The following CTDP1 variants were observed in gnomAD, a reference collection of about 807,000 sequenced individuals.
CTDP1 encodes the protein CTD phosphatase 1.
Under a neutral mutation model 91.8 loss-of-function variants are expected in CTDP1, and 47 were observed. That is an observed-to-expected ratio of 0.51 (90% CI 0.41 to 0.65). The LOEUF (loss-of-function observed/expected upper bound fraction) is 0.65, where lower values mean the gene tolerates loss of function less well. Ranked by LOEUF, CTDP1 falls within the 30% of genes least tolerant of loss-of-function variation. The probability of loss-of-function intolerance (pLI) is 0.00; values close to 1 mark genes in which losing one functional copy is unlikely to be tolerated. For synonymous variants in CTDP1, 656 were observed against 598.5 expected (o/e 1.10, Z -1.40); for missense variants, 1,272 against 1,373.7 (o/e 0.93, Z 1.17).
In CTDP1 at chr18:79,715,698, C is replaced by T. The variant is rs2086192900; in HGVS notation, c.2068+170C>T. 2.0e-5 allele frequency among the ~76,000 whole-genome samples: 3 copies of T among 152,236 alleles called. No individual in the cohort carries two copies. In the South Asian group the frequency reaches 6.2e-4, roughly 32 times the overall value. ...ACAGTGGGTGAAATTGGAGTTTGGG[C>T]ACGTTCATGCTTTCAGACCGCAGTC... On this transcript the variant is annotated intron_variant, in intron 8 of 12. Transcript: ENST00000613122.
intron 1 of CTDP1, among the ~76,000 whole-genome samples, chr18:79,690,661 C>T (rs2085601695): frequency 2.6e-5 from 4 of 152,184 alleles, no homozygotes; most frequent in African/African-American, 9.7e-5. Context: ...CCTGTCTGCA[C>T]GCGGGTTTCC....
chr18:79,755,356 G>T (rs532534049), downstream of CTDP1: 118 of 152,344 alleles, frequency 7.7e-4, no homozygotes, highest in African/African-American at 2.8e-3. Context: ...CGGTCAGGGA[G>T]TTCCTCCTGT....
At chr18:79,694,260 TACA>T (rs1568178102) in intron 1 of CTDP1, among the ~76,000 whole-genome samples, 239 of 139,908 alleles carry the variant, frequency 1.7e-3, no homozygotes, top group African/African-American at 5.0e-3. Context: ...GTGTGGGGGC[TACA>T]GGCACCTAGG....
At chr18:79,701,449 G>A (rs1427170860) in intron 4 of CTDP1, among the ~76,000 whole-genome samples, 3 of 151,828 alleles carry the variant, frequency 2.0e-5, no homozygotes, top group Admixed American at 2.0e-4. Flanking sequence ...GGCGGAGCTT[G>A]CAGTGAGCCA....
At chr18:79,739,142 C>T (rs2086724325) in intron 12 of CTDP1, among the ~76,000 whole-genome samples, 1 of 152,230 alleles carries the variant, frequency 6.6e-6, no homozygotes, top group African/African-American at 2.4e-5. Context: ...ATGTTAGTAT[C>T]TGCGGATTTG....
chr18:79,742,181 TGAGAGAGAGAGAGAGA>T (rs35935192), intron 12 of CTDP1, among the ~76,000 whole-genome samples: 2,788 of 99,962 alleles, frequency 0.028, 116 homozygotes, highest in African/African-American at 0.092. Context: ...GCATGAAGCA[TGAGAGAGAGAGAGAGA>T]GAGAGAGAGA....
chr18:79,751,038 TCA>T (rs2086988417), intron 12 of CTDP1, among the ~76,000 whole-genome samples: 1 of 77,478 alleles, frequency 1.3e-5, no homozygotes, highest in South Asian at 5.3e-4. Flanking sequence ...CGAGGGCAGG[TCA>T]GGGAGGGAGG....
At chr18:79,727,899 A>G (rs913948144) in intron 10 of CTDP1, among the ~76,000 whole-genome samples, 16 of 152,162 alleles carry the variant, frequency 1.1e-4, no homozygotes, top group Non-Finnish European at 1.8e-4. Flanking sequence ...TCCAGCAGTC[A>G]GAGGCATGCA....
At chr18:79,696,493 G>A (rs1346839815) in intron 3 of CTDP1, among the ~76,000 whole-genome samples, 2 of 151,396 alleles carry the variant, frequency 1.3e-5, no homozygotes, top group African/African-American at 2.4e-5. Flanking sequence ...TATTGGGGCA[G>A]ATAATGGCGA....
At chr18:79,680,529 C>G (rs868257581) in intron 1 of CTDP1, among the ~76,000 whole-genome samples, 2 of 152,270 alleles carry the variant, frequency 1.3e-5, no homozygotes, top group Non-Finnish European at 2.9e-5. Context: ...TTCTTTCTTT[C>G]TGCAGTGATA....
At position 79,753,683 on chromosome 18, in the gene CTDP1, G is replaced by A. The variant is rs760814379; in HGVS notation, c.2779G>A (p.Ala927Thr). 3.2e-5 allele frequency: 52 copies of A among 1,614,040 alleles called. No individual in the cohort carries two copies. Among genetic ancestry groups the A allele is most frequent in the South Asian group, 2.9e-4 (26 of 91,084 alleles). ...CAAGAGGAAGCTGAATGAAGAGGACGCCGCCAGCGAGTCCAGCAGGGAGTC... is the reference window on the plus strand; with the variant it reads ...CAAGAGGAAGCTGAATGAAGAGGACACCGCCAGCGAGTCCAGCAGGGAGTC... ...GHKRKLNEED[A>T]ASESSRESSN... is the part of the protein sequence containing the mutation. Residue 927 changes from alanine to threonine, a missense_variant, in exon 13 of 13, where the codon GCC (alanine) becomes ACC (threonine). Coordinates refer to ENST00000613122, the MANE Select transcript of CTDP1 (RefSeq NM_004715.5).
intron 1 of CTDP1, among the ~76,000 whole-genome samples, chr18:79,682,220 T>C (rs994701174): frequency 5.9e-5 from 9 of 152,172 alleles, no homozygotes; most frequent in African/African-American, 1.9e-4. Context: ...GGGGCTGCCG[T>C]TGGGAGCCGG....
intron 1 of CTDP1, among the ~76,000 whole-genome samples, chr18:79,693,247 T>TTTTTGG (rs2085660590): frequency 6.6e-6 from 1 of 152,150 alleles, no homozygotes; most frequent in African/African-American, 2.4e-5. Context: ...TTTGTGCGTT[T>TTTTTGG]TTTTTGTTTT....
chr18:79,705,329 C>T (rs1352533075), intron 5 of CTDP1, among the ~76,000 whole-genome samples: 1 of 152,190 alleles, frequency 6.6e-6, no homozygotes, highest in East Asian at 1.9e-4. Flanking sequence ...TAGGGTTTAG[C>T]GTTTGCTTCT....
chr18:79,684,928 A>ACCT (rs2085454658), intron 1 of CTDP1, among the ~76,000 whole-genome samples: 3 of 36,828 alleles, frequency 8.1e-5, no homozygotes, highest in Non-Finnish European at 1.3e-4. Context: ...GGTGAGGAGG[A>ACCT]CGGTGCAGGG....
chr18:79,685,881 A>G (rs2085483366), intron 1 of CTDP1, among the ~76,000 whole-genome samples: 1 of 152,236 alleles, frequency 6.6e-6, no homozygotes, highest in Non-Finnish European at 1.5e-5. Context: ...TAACAATTCT[A>G]ATAATTATTT....
At position 79,714,434 on chromosome 18, in the gene CTDP1, GTTATTTAATGTTTAATGCTAAA is replaced by G. The variant is rs1190443858; in HGVS notation, c.1031-54_1031-33del. 1.9e-6 allele frequency: 3 copies of G among 1,584,200 alleles called. No individual in the cohort carries two copies. In the East Asian group the frequency reaches 6.7e-5, roughly 35 times the overall value. ...GAAGGGTGCTGCTTTAACTTGGAAC[GTTATTTAATGTTTAATGCTAAA>G]TTGCGGTAACTTTTCCTTTTGCATG... On this transcript the variant is annotated intron_variant, in intron 7 of 12. Coordinates refer to ENST00000613122, the MANE Select transcript of CTDP1 (RefSeq NM_004715.5).
intron 1 of CTDP1, among the ~76,000 whole-genome samples, chr18:79,686,240 T>A (rs1363328684): frequency 6.6e-6 from 1 of 152,244 alleles, no homozygotes; most frequent in Non-Finnish European, 1.5e-5. Flanking sequence ...TCCATTTTCA[T>A]GGTTTCTTTA....
intron 6 of CTDP1, among the ~76,000 whole-genome samples, chr18:79,711,315 A>G (rs976798473): frequency 2.0e-5 from 3 of 151,988 alleles, no homozygotes; most frequent in African/African-American, 7.3e-5. Context: ...CCTGGCATCG[A>G]GATTTGTGGT....
Sources: gnomAD v4.1 joint callset for allele counts (sites outside exome capture counted in the v4.1 genomes callset) on GRCh38, gnomAD v4.1.1 for gene constraint, MANE v1.5 for transcripts, NCBI Gene and HGNC (gene_info 2026-07-23, HGNC 2026-07-21) for gene names.